Variants in ENTPD8 observed in about 807,000 individuals in gnomAD.
ENTPD8 encodes E-NTPDase 8.
ENTPD8 carries 35 observed loss-of-function variants against 47.0 expected under a neutral mutation model. The observed-to-expected ratio is 0.75, with a 90% CI of 0.57 to 0.99. The LOEUF (loss-of-function observed/expected upper bound fraction) is 0.99. Among genes scored for constraint, ENTPD8 ranks in the 50% least tolerant of loss-of-function variants. ENTPD8 has a pLI of 0.00. For missense variants in ENTPD8, 668 were observed against 649.9 expected, an observed-to-expected ratio of 1.03 and a Z score of -0.30; for synonymous variants, 308 against 290.5, an observed-to-expected ratio of 1.06 and a Z score of -0.61.
Position 137,434,795 on chromosome 9 carries a change from C to T in ENTPD8, c.*119G>A. ...CTGACGGTGCCCTGGAGGTGGCTGT[C>T]ACCTGACCGTGGGCAGAGCCACAGA... On this transcript the variant is annotated 3_prime_UTR_variant, in exon 10 of 10. Transcript: ENST00000371506. The T allele has an allele frequency of 7.7e-7, 1 of 1,293,500 alleles. No homozygotes were observed. The highest frequency in any genetic ancestry group is 2.5e-4 in the Middle Eastern group (1 of 3,932). 80.1% of individuals were successfully genotyped at this position (1,293,500 alleles called of 1,614,324 possible).
rs552023266 is a variant in ENTPD8, at chr9:137,435,893, C to T, written c.1051-64G>A. The stretch of plus-strand genomic sequence containing the variant: ...CACGCTGGGCCAGATCCACCCCACC[C>T]GGGCTCCCAGAGCCCCTAAGAGCCA... On this transcript the variant is annotated intron_variant, in intron 7 of 9. Transcript: ENST00000371506. 83 of 1,603,678 alleles carry T rather than the reference C, an allele frequency of 5.2e-5. 1 individual carries two copies. In the Middle Eastern group the frequency reaches 4.5e-3, roughly 87 times the overall value.
rs551124293 is a variant in ENTPD8, at chr9:137,438,981, C to T, written c.-20-676G>A. ...GGCCCAGGGCTCTGCCTCCTCTCTG[C>T]GGCCCCCACCCCAGGCACTCCTAGG... On this transcript the variant is annotated intron_variant, in intron 1 of 9. Transcript: ENST00000371506. The surrounding 1 kb of genome is among the most constrained non-coding windows in gnomAD (Gnocchi z 5.7). Among the ~76,000 whole-genome samples, 78 of 152,266 alleles carry T rather than the reference C, an allele frequency of 5.1e-4. 1 individual carries two copies. Among genetic ancestry groups the T allele is most frequent in the Non-Finnish European group, 7.5e-4 (51 of 67,996 alleles).
chr9:137,434,374 A>G lies in ENTPD8; in HGVS notation c.*540T>C, dbSNP rs764076358. 3.4e-5 allele frequency: 53 copies of G among 1,557,378 alleles called. No homozygotes were observed. In the Middle Eastern group the frequency reaches 6.8e-4, roughly 20 times the overall value. On this transcript the variant is annotated 3_prime_UTR_variant, in exon 10 of 10. Coordinates refer to ENST00000371506, the MANE Select transcript of ENTPD8 (RefSeq NM_001033113.2). ...GATCAGCCCTAATGATGCTGTGTCCATGATGCTTTTAATAAAAACAACCCC... is the reference window on the plus strand; with the variant it reads ...GATCAGCCCTAATGATGCTGTGTCCGTGATGCTTTTAATAAAAACAACCCC...
Position 137,435,338 on chromosome 9 carries a change from C to G in ENTPD8, c.1162G>C (p.Val388Leu), listed in dbSNP as rs766172009. 3.7e-6 allele frequency: 6 copies of G among 1,608,980 alleles called. No homozygotes were observed. The highest frequency in any genetic ancestry group is 2.2e-5 in the East Asian group (1 of 44,838). Reference sequence around the variant, plus strand: ...TCCTGCCCAGGGTAGCTGGCCTCCACCTGGGGCCCAGGAGACCAAGAGGCG... The same window carrying G: ...TCCTGCCCAGGGTAGCTGGCCTCCAGCTGGGGCCCAGGAGACCAAGAGGCG... ...WEFCQRPWKLVEASYPGQDRW... is the reference protein window; with the variant it reads ...WEFCQRPWKLLEASYPGQDRW... Residue 388 changes from valine (V) to leucine (L), a missense_variant and splice_region_variant, in exon 9 of 10, where the codon GTG becomes CTG. Transcript: ENST00000371506.
Position 137,435,236 on chromosome 9 carries a change from CCT to C in ENTPD8, c.1262_1263del (p.Glu421GlyfsTer192). On this transcript the variant is annotated frameshift_variant, in exon 9 of 10. Transcript: ENST00000371506. LOFTEE classifies it low-confidence loss of function (END_TRUNC). ...TLLHEGYGFSEETWPSLEFRK... is the reference protein window; with the variant it reads ...TLLHEGYGFSXETWPSLEFRK... ...CGGAACTCGAGGCTGGGCCAGGTCT[CCT>C]CGCTGAACCCGTAGCCCTCGTGCAG... The C allele has an allele frequency of 1.9e-6, 3 of 1,612,184 alleles. No individual in the cohort carries two copies. Among genetic ancestry groups the C allele is most frequent in the Non-Finnish European group, 2.5e-6 (3 of 1,179,840 alleles).
At chr9:137,439,255 G>C (rs899755261) in intron 1 of ENTPD8, among the ~76,000 whole-genome samples, 1 of 152,162 alleles carries the variant, frequency 6.6e-6, no homozygotes, top group East Asian at 1.9e-4. Flanking sequence ...CCCTGTGGCC[G>C]AGGTGTCCAC....
At chr9:137,440,348 A>T (rs868347622) in intron 1 of ENTPD8, among the ~76,000 whole-genome samples, 71 of 33,498 alleles carry the variant, frequency 2.1e-3, no homozygotes, top group African/African-American at 9.9e-3. Context: ...AGCCCCCCAG[A>T]CCAGGACACC....
intron 1 of ENTPD8, among the ~76,000 whole-genome samples, chr9:137,439,648 C>A (rs1252031062): frequency 6.6e-6 from 1 of 152,072 alleles, no homozygotes; most frequent in African/African-American, 2.4e-5. Context: ...CCAGACAGGG[C>A]CCAGCCTGTG....
chr9:137,438,525 G>A lies in ENTPD8; in HGVS notation c.-20-220C>T, dbSNP rs547207112. Among the ~76,000 whole-genome samples, 2 of 150,294 alleles carry A rather than the reference G, an allele frequency of 1.3e-5. No homozygotes were observed. The highest frequency in any genetic ancestry group is 4.9e-5 in the African/African-American group (2 of 40,834). On this transcript the variant is annotated intron_variant, in intron 1 of 9. Transcript: ENST00000371506. This position sits in a 1 kb window ranked among gnomAD's most constrained non-coding sequence, Gnocchi z 5.7. Reference sequence around the variant, plus strand: ...TTAGAGGCATCTCCGGGGCTCAGGCGGCCTCCCGTGGCCATAGAGGCATCT... The same window carrying A: ...TTAGAGGCATCTCCGGGGCTCAGGCAGCCTCCCGTGGCCATAGAGGCATCT...
Position 137,436,591 on chromosome 9 carries a change from A to T in ENTPD8, c.716T>A (p.Val239Asp), listed in dbSNP as rs1432680193. ...AAAGCACAGGTAGCTGTGAGTGTAG[A>T]CGCTGTAGTCGGAGCCGTAGAGGCG... ...DFRLYGSDYSVYTHSYLCFGR... is the reference protein window; with the variant it reads ...DFRLYGSDYSDYTHSYLCFGR... Residue 239 changes from valine (V) to aspartate (D), a missense_variant, in exon 6 of 10, where the codon GTC (valine) becomes GAC (aspartate). Transcript: ENST00000371506. The T allele has an allele frequency of 1.2e-6, 2 of 1,611,990 alleles. No homozygotes were observed.
At position 137,437,955 on chromosome 9, in the gene ENTPD8, C is replaced by T. The variant is rs368312647; in HGVS notation, c.244+12G>A. The T allele has an allele frequency of 7.5e-6, 12 of 1,606,908 alleles. No homozygotes were observed. The African/African-American group carries it at 1.3e-4, about 18-fold the overall frequency. ...CAGGTCCCAGCACCGGGCTGCAGAA[C>T]AGCCCACTAACCTTCCACCTGGCAG... is the stretch of plus-strand genomic sequence containing the variant. On this transcript the variant is annotated intron_variant, in intron 3 of 9. Coordinates refer to ENST00000371506, the MANE Select transcript of ENTPD8 (RefSeq NM_001033113.2).
intron 8 of ENTPD8, among the ~76,000 whole-genome samples, 175 bp downstream of exon 8, chr9:137,435,544 C>T (rs1026223260): frequency 2.0e-5 from 3 of 152,226 alleles, no homozygotes; most frequent in South Asian, 2.1e-4. Context: ...GGCCCAGCTG[C>T]GGCCGTGGCC....
chr9:137,437,112 G>T, intron 4 of ENTPD8, 47 bp downstream of exon 4: 1 of 1,603,886 alleles, frequency 6.2e-7, no homozygotes, highest in Non-Finnish European at 8.5e-7. Context: ...TGAGACCATG[G>T]CTTCTGCAGC....
intron 1 of ENTPD8, among the ~76,000 whole-genome samples, chr9:137,440,209 G>GC (rs1309237315): frequency 1.0e-4 from 7 of 67,142 alleles, no homozygotes; most frequent in African/African-American, 1.2e-4. Flanking sequence ...GACCAGGACA[G>GC]CCCCCCCAGA....
Position 137,436,187 on chromosome 9 carries a change from A to G in ENTPD8, c.876T>C (p.Cys292=). 6.2e-7 allele frequency: 1 copy of G among 1,612,808 alleles called. No individual in the cohort carries two copies. The highest frequency in any genetic ancestry group is 8.5e-7 in the Non-Finnish European group (1 of 1,179,932). The change falls in exon 7 of 10, where the codon TGT becomes TGC. Residue 292 remains cysteine, a synonymous_variant. Transcript: ENST00000371506. ...LALGPLYESP[C]VHATPPLSLP... ...GGCTCAGCGGGGGCGTGGCGTGGAC[A>G]CAGGGTGACTCATACAGCGGGCCCA...
At position 137,436,370 on chromosome 9, in the gene ENTPD8, TA is replaced by T. The variant is rs2131904491; in HGVS notation, c.787-95del. On this transcript the variant is annotated intron_variant, in intron 6 of 9. Transcript: ENST00000371506. ...ATGACCCACGCCAGCCCCGCGCCCA[TA>T]CCCTGTGCGCCCTCCCCGGTGCCGG... 8 of 1,401,326 alleles carry T rather than the reference TA, an allele frequency of 5.7e-6. No homozygotes were observed. The East Asian group carries it at 9.3e-5, about 16-fold the overall frequency. 86.8% of individuals were successfully genotyped at this position (1,401,326 alleles called of 1,614,324 possible).
At position 137,435,073 on chromosome 9, in the gene ENTPD8, G is replaced by C. The variant is rs552813481; in HGVS notation, c.1329C>G (p.Gly443=). Residue 443 remains glycine (G), a synonymous_variant, in exon 10 of 10, where the codon GGC becomes GGG. Coordinates refer to ENST00000371506, the MANE Select transcript of ENTPD8 (RefSeq NM_001033113.2). ...AGGVDIGWTL[G]YMLNLTGMIP... is the part of the protein sequence containing the mutation. ...TCATCCCGGTCAGGTTCAGCATGTAGCCCAGTGTCCAGCCAATGTCCACAC... is the reference window on the plus strand; with the variant it reads ...TCATCCCGGTCAGGTTCAGCATGTACCCCAGTGTCCAGCCAATGTCCACAC... 6.2e-7 allele frequency: 1 copy of C among 1,611,580 alleles called. No homozygotes were observed. Among genetic ancestry groups the C allele is most frequent in the African/African-American group, 1.3e-5 (1 of 75,062 alleles).
At position 137,434,762 on chromosome 9, in the gene ENTPD8, G is replaced by T. The variant is rs952270163; in HGVS notation, c.*152C>A. 8.3e-5 allele frequency: 84 copies of T among 1,012,300 alleles called. No individual in the cohort carries two copies. The highest frequency in any genetic ancestry group is 1.1e-4 in the Non-Finnish European group (78 of 715,786). 62.7% of individuals were successfully genotyped at this position (1,012,300 alleles called of 1,614,324 possible). ...GGAGGTCATGCAGCCTCTGTGGCCA[G>T]CACCACCCTGACGGTGCCCTGGAGG... is the stretch of plus-strand genomic sequence containing the variant. On this transcript the variant is annotated 3_prime_UTR_variant, in exon 10 of 10. Coordinates refer to ENST00000371506, the MANE Select transcript of ENTPD8 (RefSeq NM_001033113.2).
In ENTPD8 at chr9:137,438,175, C is replaced by T; in HGVS notation, c.111G>A (p.Leu37=). 6.2e-7 allele frequency: 1 copy of T among 1,609,292 alleles called. No individual in the cohort carries two copies. Among genetic ancestry groups the T allele is most frequent in the African/African-American group, 1.3e-5 (1 of 74,982 alleles). Residue 37 remains leucine (L), a synonymous_variant, in exon 2 of 10, where the codon CTG becomes CTA. Coordinates refer to ENST00000371506, the MANE Select transcript of ENTPD8 (RefSeq NM_001033113.2). This position sits in a 1 kb window ranked among gnomAD's most constrained non-coding sequence, Gnocchi z 5.7. ...LLLVEATSVL[L]PTDIKFGIVF... is the part of the protein sequence containing the mutation. ...GGGGACGCACCTTGATGTCTGTGGG[C>T]AGGAGCACGCTGGTGGCCTCCACCA...
Sources: allele counts gnomAD v4.1 joint callset (sites outside exome capture counted in the v4.1 genomes callset), GRCh38; gene constraint gnomAD v4.1.1; non-coding constraint Gnocchi (gnomAD v3.1); transcripts MANE v1.5; gene names NCBI Gene and HGNC (gene_info 2026-07-23, HGNC 2026-07-21).